Variants in ADAMTS2 observed in about 807,000 individuals in gnomAD.
ADAMTS2 encodes the protein A disintegrin and metalloproteinase with thrombospondin motifs 2.
In ADAMTS2, 50 loss-of-function variants were observed where a neutral mutation model predicts 123.0. That is an observed-to-expected ratio of 0.41 (90% CI 0.32 to 0.51). The LOEUF is 0.51. Ranked by LOEUF, ADAMTS2 falls within the 20% of genes least tolerant of loss-of-function variation. ADAMTS2 has a pLI of 0.35. For synonymous variants in ADAMTS2, 678 were observed against 695.4 expected (o/e 0.98, Z 0.39); for missense variants, 1,494 against 1,705.2 (o/e 0.88, Z 2.18).
intron 3 of ADAMTS2, among the ~76,000 whole-genome samples, chr5:179,213,128 C>A (rs7719124): frequency 0.33 from 49,565 of 151,948 alleles, 8,534 homozygotes; most frequent in Non-Finnish European, 0.37. Context: ...AACCTGAGGA[C>A]CACACTGTTC....
chr5:179,327,205 C>G (rs1398724731), intron 2 of ADAMTS2, among the ~76,000 whole-genome samples: 1 of 152,180 alleles, frequency 6.6e-6, no homozygotes, highest in South Asian at 2.1e-4. Context: ...GGACATGGCC[C>G]GTGGCCCACC....
chr5:179,219,838 G>A (rs560546780), intron 3 of ADAMTS2, among the ~76,000 whole-genome samples: 29 of 151,856 alleles, frequency 1.9e-4, no homozygotes, highest in East Asian at 7.8e-4. Context: ...CTTCCCCTTC[G>A]TCCCCCCAGC....
chr5:179,309,760 A>C (rs1219682035), intron 2 of ADAMTS2, among the ~76,000 whole-genome samples: 39 of 88,570 alleles, frequency 4.4e-4, no homozygotes, highest in African/African-American at 2.6e-3. Flanking sequence ...CAGTCTCCAA[A>C]AAAAAAAAAA....
At chr5:179,143,957 G>A (rs1252098088) in intron 10 of ADAMTS2, among the ~76,000 whole-genome samples, 1 of 151,896 alleles carries the variant, frequency 6.6e-6, no homozygotes, top group Non-Finnish European at 1.5e-5. Context: ...AAACATTCTG[G>A]AACCACTTTC....
At chr5:179,206,902 C>T (rs1054319944) in intron 4 of ADAMTS2, among the ~76,000 whole-genome samples, 2 of 152,174 alleles carry the variant, frequency 1.3e-5, no homozygotes, top group Admixed American at 1.3e-4. Flanking sequence ...GGCACATAGA[C>T]ACCCCTTTCA....
In ADAMTS2 at chr5:179,309,757, CAAAAAAAAAAAAA is replaced by C. The variant is rs34487269; in HGVS notation, c.534+33997_534+34009del. 9.0e-5 allele frequency among the ~76,000 whole-genome samples: 4 copies of C among 44,448 alleles called. 1 individual carries two copies. Among genetic ancestry groups the C allele is most frequent in the Middle Eastern group, 0.043 (2 of 46 alleles). 29.2% of individuals were successfully genotyped at this position (44,448 alleles called of 152,430 possible). On this transcript the variant is annotated intron_variant, in intron 2 of 21. Coordinates refer to ENST00000251582, the MANE Select transcript of ADAMTS2 (RefSeq NM_014244.5). The stretch of plus-strand genomic sequence containing the variant: ...GGGCAACACAGCAAGACTCAGTCTC[CAAAAAAAAAAAAA>C]AAAAAAAAAAAAAAGGCTCTGGCCC...
chr5:179,301,840 G>C (rs771095584), intron 2 of ADAMTS2, among the ~76,000 whole-genome samples: 1 of 152,268 alleles, frequency 6.6e-6, no homozygotes, highest in East Asian at 1.9e-4. Context: ...GTGTGAAGAA[G>C]GAGTGCAGCC....
chr5:179,195,807 G>A (rs1764416228), intron 4 of ADAMTS2, among the ~76,000 whole-genome samples: 1 of 152,216 alleles, frequency 6.6e-6, no homozygotes, highest in African/African-American at 2.4e-5. Flanking sequence ...ACAAGCGTGA[G>A]GAACAGAAAC....
intron 2 of ADAMTS2, among the ~76,000 whole-genome samples, chr5:179,331,897 T>G (rs1187579441): frequency 2.0e-5 from 3 of 152,110 alleles, no homozygotes; most frequent in Non-Finnish European, 4.4e-5. Context: ...CACAGTTGAG[T>G]GCAATGCTCA....
In ADAMTS2 at chr5:179,345,296, C is replaced by A. The variant is rs1757917251; in HGVS notation, c.33G>T (p.Leu11=). 1.8e-6 allele frequency: 2 copies of A among 1,138,914 alleles called. No homozygotes were observed. The highest frequency in any genetic ancestry group is 4.5e-5 in the East Asian group (1 of 22,466). 70.6% of individuals were successfully genotyped at this position (1,138,914 alleles called of 1,614,324 possible). MDPPAGAARR[L]LCPALLLLLL... is the part of the protein sequence containing the mutation. Reference sequence around the variant, plus strand: ...GCAGCAGCAGCAGCGCGGGGCAGAGCAGGCGGCGAGCGGCTCCCGCCGGCG... The same window carrying A: ...GCAGCAGCAGCAGCGCGGGGCAGAGAAGGCGGCGAGCGGCTCCCGCCGGCG... The change falls in exon 1 of 22, where the codon CTG becomes CTT. Residue 11 remains leucine, a synonymous_variant. Coordinates refer to ENST00000251582, the MANE Select transcript of ADAMTS2 (RefSeq NM_014244.5). This position sits in a 1 kb window ranked among gnomAD's most constrained non-coding sequence, Gnocchi z 7.5.
rs1027004952 is a variant in ADAMTS2 at position 179,307,430 on chromosome 5, G to A, written c.535-34366C>T. 2.0e-5 allele frequency among the ~76,000 whole-genome samples: 3 copies of A among 152,112 alleles called. No homozygotes were observed. The highest frequency in any genetic ancestry group is 2.9e-5 in the Non-Finnish European group (2 of 68,026). On this transcript the variant is annotated intron_variant, in intron 2 of 21. Coordinates refer to ENST00000251582, the MANE Select transcript of ADAMTS2 (RefSeq NM_014244.5). The surrounding 1 kb of genome is among the most constrained non-coding windows in gnomAD (Gnocchi z 5.6). Reference sequence around the variant, plus strand: ...ATGAGCATTCAACAGCCCGGTCCGGGGGGCACCACCACGCAGGGGCTTCCC... The same window carrying A: ...ATGAGCATTCAACAGCCCGGTCCGGAGGGCACCACCACGCAGGGGCTTCCC...
rs1350687393 is a variant in ADAMTS2, at chr5:179,260,678, C to T, written c.688+12233G>A. ...TTCTACAGCTTACTATCTGTGCGAC[C>T]GTCGGCACCTCAGTTTCCTCATCTG... is the stretch of plus-strand genomic sequence containing the variant. On this transcript the variant is annotated intron_variant, in intron 3 of 21. Coordinates refer to ENST00000251582, the MANE Select transcript of ADAMTS2 (RefSeq NM_014244.5). This position sits in a 1 kb window ranked among gnomAD's most constrained non-coding sequence, Gnocchi z 4.2. Among the ~76,000 whole-genome samples, 1 of 152,154 alleles carries T rather than the reference C, an allele frequency of 6.6e-6. No homozygotes were observed. The highest frequency in any genetic ancestry group is 2.4e-5 in the African/African-American group (1 of 41,432).
chr5:179,119,950 C>G (rs1411296221), intron 21 of ADAMTS2, among the ~76,000 whole-genome samples: 1 of 152,142 alleles, frequency 6.6e-6, no homozygotes, highest in Non-Finnish European at 1.5e-5. Flanking sequence ...GGTGGGGTGT[C>G]TGCACGGTTT....
chr5:179,137,063 T>C (rs985847972), intron 12 of ADAMTS2, among the ~76,000 whole-genome samples: 1 of 152,098 alleles, frequency 6.6e-6, no homozygotes, highest in African/African-American at 2.4e-5. Context: ...CCCTGGAACC[T>C]TCCCTTCTCA....
chr5:179,119,713 C>A (rs1022041664), intron 21 of ADAMTS2, among the ~76,000 whole-genome samples: 4 of 152,194 alleles, frequency 2.6e-5, no homozygotes, highest in Non-Finnish European at 5.9e-5. Context: ...TAGCCCAAGG[C>A]CGAGAACTGT....
Position 179,128,047 on chromosome 5 carries a change from G to A in ADAMTS2, c.2529C>T (p.Val843=), listed in dbSNP as rs754467396. The change falls in exon 17 of 22, where the codon GTC becomes GTT. Residue 843 remains valine, a synonymous_variant. Transcript: ENST00000251582. This position sits in a 1 kb window ranked among gnomAD's most constrained non-coding sequence, Gnocchi z 4.9. ...CCTCTTCCAGGACGTTGTTGTCGTC[G>A]ACATTCAGTGAGTCCTCATGGATCA... The part of the protein sequence containing the change: ...KYMIHEDSLN[V]DDNNVLEEDS... 5.6e-6 allele frequency: 9 copies of A among 1,613,906 alleles called. No individual in the cohort carries two copies. The highest frequency in any genetic ancestry group is 1.7e-5 in the Admixed American group (1 of 60,006).
At chr5:179,199,048 G>T (rs1764498801) in intron 4 of ADAMTS2, among the ~76,000 whole-genome samples, 1 of 152,138 alleles carries the variant, frequency 6.6e-6, no homozygotes, top group Non-Finnish European at 1.5e-5. Flanking sequence ...CACATGCAGG[G>T]CAGCAGGTGT....
rs753746822 is a variant in ADAMTS2, at chr5:179,129,992, G to A, written c.2397C>T (p.Asp799=). The change falls in exon 16 of 22, where the codon GAC becomes GAT. Residue 799 remains aspartate, a synonymous_variant. Transcript: ENST00000251582. This position sits in a 1 kb window ranked among gnomAD's most constrained non-coding sequence, Gnocchi z 4.1. ...TCTGCAGCGTCTCCCGGCCGTCCTC[G>A]TCTCTGTACTCCCACTCCACGCCCA... is the stretch of plus-strand genomic sequence containing the variant. ...IAMGVEWEYR[D]EDGRETLQTM... 4.3e-6 allele frequency: 7 copies of A among 1,614,116 alleles called. No individual in the cohort carries two copies. The highest frequency in any genetic ancestry group is 1.6e-4 in the Middle Eastern group (1 of 6,062).
At chr5:179,116,267 C>T (rs1762657736) in intron 21 of ADAMTS2, among the ~76,000 whole-genome samples, 1 of 126,052 alleles carries the variant, frequency 7.9e-6, no homozygotes, top group Admixed American at 8.2e-5. Context: ...GGCACCCCCC[C>T]CCCACCCCCC....
Sources: gnomAD v4.1 joint callset for allele counts (sites outside exome capture counted in the v4.1 genomes callset) on GRCh38, gnomAD v4.1.1 for gene constraint, Gnocchi (gnomAD v3.1) non-coding constraint, MANE v1.5 for transcripts, NCBI Gene and HGNC (gene_info 2026-07-23, HGNC 2026-07-21) for gene names.